NFIA: variants seen among roughly 807,000 people sequenced by gnomAD.
NFIA encodes the protein nuclear factor I A.
Under a neutral mutation model 62.8 loss-of-function variants are expected in NFIA, and 8 were observed. The observed-to-expected ratio is 0.13, with a 90% CI of 0.07 to 0.23. The LOEUF is 0.23. NFIA is among the 10% of genes least tolerant of loss of function. The pLI, the probability that NFIA is intolerant of heterozygous loss-of-function variation, is 1.00. For synonymous variants in NFIA, 235 were observed against 238.1 expected (o/e 0.99, Z 0.12); for missense variants, 410 against 642.1 (o/e 0.64, Z 3.91).
At chr1:61,261,376 G>A (rs1010947414) in intron 2 of NFIA, among the ~76,000 whole-genome samples, 2 of 152,188 alleles carry the variant, frequency 1.3e-5, no homozygotes, top group Non-Finnish European at 2.9e-5. Context: ...TTTCAGTACA[G>A]TATTCAATAA....
chr1:61,226,017 A>C (rs907677661), intron 2 of NFIA, among the ~76,000 whole-genome samples: 4 of 152,248 alleles, frequency 2.6e-5, no homozygotes, highest in African/African-American at 9.6e-5. Context: ...CTAATGTATC[A>C]GTTGTGAATA....
At chr1:61,203,994 A>G (rs184544082) in intron 2 of NFIA, among the ~76,000 whole-genome samples, 21 of 152,248 alleles carry the variant, frequency 1.4e-4, no homozygotes, top group African/African-American at 5.1e-4. Context: ...GTGAATACTC[A>G]TTTTTGACCA....
chr1:61,184,364 C>T (rs1651001509), intron 2 of NFIA, among the ~76,000 whole-genome samples: 1 of 152,212 alleles, frequency 6.6e-6, no homozygotes, highest in African/African-American at 2.4e-5. Flanking sequence ...ACAGCCATTT[C>T]CTTGTTTCTA....
In NFIA at chr1:61,340,996, T is replaced by G. The variant is rs559376674; in HGVS notation, c.700+8410T>G. Among the ~76,000 whole-genome samples, 11 of 151,980 alleles carry G rather than the reference T, an allele frequency of 7.2e-5. No homozygotes were observed. The East Asian group carries it at 2.1e-3, about 29-fold the overall frequency. On this transcript the variant is annotated intron_variant, in intron 4 of 10. Coordinates refer to ENST00000403491, the MANE Select transcript of NFIA (RefSeq NM_001134673.4). Reference sequence around the variant, plus strand: ...GCAGAATGTTTTAAAATTCTCAATCTAACACTGACACATTAACAACTTTTT... The same window carrying G: ...GCAGAATGTTTTAAAATTCTCAATCGAACACTGACACATTAACAACTTTTT...
At chr1:61,227,131 C>A (rs1654383245) in intron 2 of NFIA, among the ~76,000 whole-genome samples, 1 of 152,166 alleles carries the variant, frequency 6.6e-6, no homozygotes, top group Admixed American at 6.5e-5. Context: ...TACCCATATG[C>A]CATAGACAGA....
At chr1:61,253,962 T>C (rs1432596623) in intron 2 of NFIA, among the ~76,000 whole-genome samples, 1 of 152,210 alleles carries the variant, frequency 6.6e-6, no homozygotes, top group East Asian at 1.9e-4. Flanking sequence ...TTTTTTCTAT[T>C]TGGATTTCTT....
chr1:61,354,342 T>C (rs1238187277), intron 5 of NFIA, among the ~76,000 whole-genome samples: 1 of 152,210 alleles, frequency 6.6e-6, no homozygotes, highest in Non-Finnish European at 1.5e-5. Context: ...ATTAACGATG[T>C]ACAGGTTAGA....
At chr1:61,176,674 A>G (rs1038844629) in intron 2 of NFIA, among the ~76,000 whole-genome samples, 17 of 152,168 alleles carry the variant, frequency 1.1e-4, no homozygotes, top group African/African-American at 4.1e-4. Flanking sequence ...GTTAACCTTA[A>G]TCTTACTACT....
intron 2 of NFIA, among the ~76,000 whole-genome samples, chr1:61,096,485 T>C (rs1444154712): frequency 1.3e-5 from 2 of 151,412 alleles, no homozygotes; most frequent in East Asian, 3.9e-4. Context: ...ATTACAGGCA[T>C]GAGCCACCAC....
At position 61,277,557 on chromosome 1, in the gene NFIA, C is replaced by A. The variant is rs575166204; in HGVS notation, c.597C>A (p.Asp199Glu). ...CTGAAAGTCCCAGCCAGCCAAGTGA[C>A]GCTGACATTAAGGACCAGCCAGAAA... ...SQSESPSQPS[D>E]ADIKDQPENG... Residue 199 changes from aspartate to glutamate, a missense_variant, in exon 3 of 11, where the codon GAC becomes GAA. Transcript: ENST00000403491. 1.4e-5 allele frequency: 22 copies of A among 1,613,832 alleles called. No homozygotes were observed. In the South Asian group the frequency reaches 2.4e-4, roughly 18 times the overall value.
intron 2 of NFIA, among the ~76,000 whole-genome samples, chr1:61,215,109 A>T (rs924121693): frequency 1.3e-5 from 2 of 152,196 alleles, no homozygotes; most frequent in African/African-American, 4.8e-5. Flanking sequence ...ACTGAAAAAA[A>T]TAGTACCTAA....
At position 61,386,108 on chromosome 1, in the gene NFIA, C is replaced by T. The variant is rs575214012; in HGVS notation, c.1075+2743C>T. ...GGAATTCAGCCTCATTATTTATTTG[C>T]TGTGGGTACTGTAATTTCCTTCATT... On this transcript the variant is annotated intron_variant, in intron 7 of 10. Transcript: ENST00000403491. 9.2e-5 allele frequency among the ~76,000 whole-genome samples: 14 copies of T among 152,278 alleles called. No homozygotes were observed. In the South Asian group the frequency reaches 2.9e-3, roughly 32 times the overall value.
At chr1:61,202,544 A>G (rs1278655796) in intron 2 of NFIA, among the ~76,000 whole-genome samples, 3 of 152,354 alleles carry the variant, frequency 2.0e-5, no homozygotes, top group South Asian at 2.1e-4. Flanking sequence ...TACCAGGTCT[A>G]TAGAAATATC....
At chr1:61,137,187 C>T (rs1647211558) in intron 2 of NFIA, among the ~76,000 whole-genome samples, 1 of 152,160 alleles carries the variant, frequency 6.6e-6, no homozygotes, top group Non-Finnish European at 1.5e-5. Context: ...TTATTTGAAG[C>T]CCACAGTAGC....
intron 2 of NFIA, among the ~76,000 whole-genome samples, chr1:61,225,491 C>T (rs1425430547): frequency 2.6e-5 from 4 of 151,480 alleles, no homozygotes; most frequent in African/African-American, 4.9e-5. Context: ...CTTTGTGATC[C>T]GCCTGCCTCG....
In NFIA at chr1:61,269,906, C is replaced by A. The variant is rs188247088; in HGVS notation, c.560-7614C>A. Reference sequence around the variant, plus strand: ...ATTTGCATACATCTTGTTACAAAGACTGACTACTTCCTGGCTTAGACAAAG... The same window carrying A: ...ATTTGCATACATCTTGTTACAAAGAATGACTACTTCCTGGCTTAGACAAAG... On this transcript the variant is annotated intron_variant, in intron 2 of 10. Transcript: ENST00000403491. Among the ~76,000 whole-genome samples the A allele has an allele frequency of 1.1e-3, 163 of 152,252 alleles. 1 individual carries two copies. The East Asian group carries it at 0.028, about 27-fold the overall frequency.
intron 2 of NFIA, among the ~76,000 whole-genome samples, chr1:61,248,295 G>T (rs550111705): frequency 2.0e-5 from 3 of 152,084 alleles, no homozygotes. Flanking sequence ...GCACAATTAC[G>T]CAAGCCTTTT....
At chr1:61,234,508 T>G (rs182672015) in intron 2 of NFIA, among the ~76,000 whole-genome samples, 1 of 152,134 alleles carries the variant, frequency 6.6e-6, no homozygotes, top group Admixed American at 6.6e-5. Context: ...TTCTGTGAGC[T>G]CTGAAAGTTT....
Position 61,218,126 on chromosome 1 carries a change from TA to T in NFIA, c.560-59390del, listed in dbSNP as rs199541020. On this transcript the variant is annotated intron_variant, in intron 2 of 10. Transcript: ENST00000403491. Reference sequence around the variant, plus strand: ...TTTTACCATATTGTTGCTAAGTAGGTAAAACAGAAAGACACATATCTAAATA... The same window carrying T: ...TTTTACCATATTGTTGCTAAGTAGGTAAACAGAAAGACACATATCTAAATA... Among the ~76,000 whole-genome samples the T allele has an allele frequency of 4.4e-3, 671 of 152,344 alleles. 3 individuals are homozygous for T. Among genetic ancestry groups the T allele is most frequent in the Non-Finnish European group, 7.2e-3 (493 of 68,032 alleles).
Sources: gnomAD v4.1 joint callset for allele counts (sites outside exome capture counted in the v4.1 genomes callset) on GRCh38, gnomAD v4.1.1 for gene constraint, MANE v1.5 for transcripts, NCBI Gene and HGNC (gene_info 2026-07-23, HGNC 2026-07-21) for gene names.